Variants in ADCY3 observed in about 807,000 individuals in gnomAD.
ADCY3 encodes the protein adenylate cyclase type 3.
Under a neutral mutation model 119.4 loss-of-function variants are expected in ADCY3, and 70 were observed. The observed-to-expected ratio is 0.59, with a 90% CI of 0.48 to 0.72. The LOEUF is 0.72. Ranked by LOEUF, ADCY3 falls within the 30% of genes least tolerant of loss-of-function variation. The pLI is 0.00. For synonymous variants in ADCY3, 672 were observed against 621.4 expected, an observed-to-expected ratio of 1.08 and a Z score of -1.21; for missense variants, 1,238 against 1,541.6, an observed-to-expected ratio of 0.80 and a Z score of 3.30.
chr2:24,897,706 C>T (rs1445243473), intron 2 of ADCY3, among the ~76,000 whole-genome samples: 3 of 152,138 alleles, frequency 2.0e-5, no homozygotes, highest in Non-Finnish European at 4.4e-5. Context: ...CACACTCACA[C>T]GGGAAGTTCA....
Position 24,834,491 on chromosome 2 carries a change from T to C in ADCY3, c.1961A>G (p.Asp654Gly), listed in dbSNP as rs1002410477. 2.6e-6 allele frequency: 4 copies of C among 1,558,936 alleles called. No individual in the cohort carries two copies. The highest frequency in any genetic ancestry group is 2.8e-5 in the African/African-American group (2 of 70,966). ...LCTALVEILI[D>G]PWLMTNYVTF... ...TCCCCGGCCCCTCCCTCACCAGGGG[T>C]CGATGAGTATCTCGACCAGGGCCGT... Residue 654 changes from aspartate (D) to glycine (G), a missense_variant, in exon 11 of 22, where the codon GAC (aspartate) becomes GGC (glycine). Physicochemically the swap from Asp to Gly is moderately conservative, Grantham distance 94 (BLOSUM62 -1). Transcript: ENST00000679454. The surrounding 1 kb of genome is among the most constrained non-coding windows in gnomAD (Gnocchi z 4.2).
At chr2:24,824,791 A>G (rs982993620) in intron 16 of ADCY3, among the ~76,000 whole-genome samples, 7 of 152,202 alleles carry the variant, frequency 4.6e-5, no homozygotes, top group Non-Finnish European at 1.0e-4. Context: ...CGGGAGGCTG[A>G]GGCAGGAGAA....
rs547677861 is a variant in ADCY3, at chr2:24,823,999, C to G, written c.2736+379G>C. The stretch of plus-strand genomic sequence containing the variant: ...CATGAGCCACTGTGCCCGGCCACTA[C>G]TTTGAATAAATTTTAAAACAGCTTC... On this transcript the variant is annotated intron_variant, in intron 17 of 21. Coordinates refer to ENST00000679454, the MANE Select transcript of ADCY3 (RefSeq NM_004036.5). Among the ~76,000 whole-genome samples the G allele has an allele frequency of 1.4e-3, 219 of 152,308 alleles. 1 individual carries two copies. The highest frequency in any genetic ancestry group is 5.1e-3 in the African/African-American group (211 of 41,560).
In ADCY3 at chr2:24,834,687, C is replaced by T. The variant is rs1474364367; in HGVS notation, c.1806-41G>A. ...GCCCCATGAATCCCAAATGCCACAT[C>T]TGCCTTGGCCTAGCAGGGGGGCCGT... On this transcript the variant is annotated intron_variant, in intron 10 of 21. Coordinates refer to ENST00000679454, the MANE Select transcript of ADCY3 (RefSeq NM_004036.5). The surrounding 1 kb of genome is among the most constrained non-coding windows in gnomAD (Gnocchi z 4.2). 28 of 1,606,392 alleles carry T rather than the reference C, an allele frequency of 1.7e-5. No homozygotes were observed. In the East Asian group the frequency reaches 5.8e-4, roughly 33 times the overall value.
intron 2 of ADCY3, among the ~76,000 whole-genome samples, chr2:24,906,825 C>T (rs1220616759): frequency 6.6e-6 from 1 of 152,220 alleles, no homozygotes; most frequent in African/African-American, 2.4e-5. Context: ...CTTGAGCAAT[C>T]TGTCTTATAA....
rs894959645 is a variant in ADCY3 at position 24,838,703 on chromosome 2, T to C, written c.1356-81A>G. 7.5e-6 allele frequency: 12 copies of C among 1,593,798 alleles called. No individual in the cohort carries two copies. In the African/African-American group the frequency reaches 1.2e-4, roughly 16 times the overall value. ...CAGGGGACAGTCCACGGACCACGGC[T>C]GCACCGGCTGCTGCTCGGCCCCGTG... On this transcript the variant is annotated intron_variant, in intron 7 of 21. Transcript: ENST00000679454.
intron 17 of ADCY3, 110 bp downstream of exon 17, chr2:24,824,268 C>T (rs1668274738): frequency 7.2e-7 from 1 of 1,396,428 alleles, no homozygotes; most frequent in Non-Finnish European, 9.7e-7. Context: ...CCTACCTAGG[C>T]CCCAGTCCCC....
At chr2:24,866,894 G>A (rs1331387204) in intron 3 of ADCY3, among the ~76,000 whole-genome samples, 1 of 152,062 alleles carries the variant, frequency 6.6e-6, no homozygotes, top group East Asian at 1.9e-4. Context: ...TGTCTGAAGT[G>A]CAAAAAGAAA....
chr2:24,876,271 T>C (rs1007220534), intron 2 of ADCY3, among the ~76,000 whole-genome samples: 14 of 152,224 alleles, frequency 9.2e-5, no homozygotes, highest in Admixed American at 7.9e-4. Flanking sequence ...ACTACAGGCA[T>C]GAGCCACCAT....
At chr2:24,904,799 G>A (rs1043483590) in intron 2 of ADCY3, among the ~76,000 whole-genome samples, 6 of 150,884 alleles carry the variant, frequency 4.0e-5, no homozygotes, top group Admixed American at 3.3e-4. Flanking sequence ...GCACCACCAC[G>A]TCCAGCTAAT....
At position 24,842,940 on chromosome 2, in the gene ADCY3, G is replaced by T. The variant is rs1371818551; in HGVS notation, c.826-556C>A. On this transcript the variant is annotated intron_variant, in intron 3 of 21. Transcript: ENST00000679454. This position sits in a 1 kb window ranked among gnomAD's most constrained non-coding sequence, Gnocchi z 4.9. The stretch of plus-strand genomic sequence containing the variant: ...AGCACAGCGCAGCATGGCAAGTTCT[G>T]TGCCCAGAAAGGAGAGAGCAGAGGA... 6.6e-6 allele frequency among the ~76,000 whole-genome samples: 1 copy of T among 152,354 alleles called. No individual in the cohort carries two copies.
At chr2:24,871,009 G>C (rs939325628) in intron 3 of ADCY3, among the ~76,000 whole-genome samples, 1 of 152,178 alleles carries the variant, frequency 6.6e-6, no homozygotes, top group Admixed American at 6.5e-5. Flanking sequence ...AGACGGTTCA[G>C]TGTGAGTTAA....
intron 2 of ADCY3, among the ~76,000 whole-genome samples, chr2:24,877,451 A>C (rs1558488727): frequency 6.6e-6 from 1 of 152,160 alleles, no homozygotes; most frequent in Non-Finnish European, 1.5e-5. Context: ...TGAAGAACAA[A>C]GAGGAACAAG....
rs1227773458 is a variant in ADCY3 at position 24,819,888 on chromosome 2, T to C, written c.*44A>G. 2.5e-6 allele frequency: 4 copies of C among 1,592,326 alleles called. No homozygotes were observed. The African/African-American group carries it at 5.4e-5, about 22-fold the overall frequency. ...CGGGACTTCCTTCAGTTTCAAAAAA[T>C]AAATTCTCCCTTCCGGTTTGGACTG... On this transcript the variant is annotated 3_prime_UTR_variant, in exon 22 of 22. Coordinates refer to ENST00000679454, the MANE Select transcript of ADCY3 (RefSeq NM_004036.5).
intron 2 of ADCY3, among the ~76,000 whole-genome samples, chr2:24,914,864 C>G (rs373031655): frequency 6.6e-6 from 1 of 152,046 alleles, no homozygotes; most frequent in Non-Finnish European, 1.5e-5. Flanking sequence ...CCATGCTGCT[C>G]GGCAATATTC....
intron 3 of ADCY3, among the ~76,000 whole-genome samples, chr2:24,845,264 G>A (rs1469031507): frequency 6.6e-6 from 1 of 152,260 alleles, no homozygotes; most frequent in Non-Finnish European, 1.5e-5. Flanking sequence ...GGTCAGAACA[G>A]TTTGGAGGGC....
At chr2:24,840,498 C>T (rs1425302387) in intron 6 of ADCY3, 1 of 449,186 alleles carries the variant, frequency 2.2e-6, no homozygotes. Context: ...TGCTTTCTTT[C>T]CAGGGCAATA....
rs1027549880 is a variant in ADCY3, at chr2:24,872,790, G to A, written c.676-71C>T. 1.3e-5 allele frequency: 21 copies of A among 1,565,160 alleles called. No homozygotes were observed. Among genetic ancestry groups the A allele is most frequent in the East Asian group, 2.3e-5 (1 of 44,200 alleles). On this transcript the variant is annotated intron_variant, in intron 2 of 21. Coordinates refer to ENST00000679454, the MANE Select transcript of ADCY3 (RefSeq NM_004036.5). The surrounding 1 kb of genome is among the most constrained non-coding windows in gnomAD (Gnocchi z 4.4). ...GTCTTCAGAAAAGGGGATGGAGAAGGGGATGGAGGAGGTGGGGTGGGTGGT... is the reference window on the plus strand; with the variant it reads ...GTCTTCAGAAAAGGGGATGGAGAAGAGGATGGAGGAGGTGGGGTGGGTGGT...
intron 20 of ADCY3, 92 bp from the exon 21 acceptor site, chr2:24,820,940 GCTC>G (rs1667557053): frequency 6.6e-7 from 1 of 1,524,646 alleles, no homozygotes; most frequent in Non-Finnish European, 8.9e-7. Context: ...GTACCACAAA[GCTC>G]CTAATGTAAC....
Sources: gnomAD v4.1 joint callset for allele counts (sites outside exome capture counted in the v4.1 genomes callset) on GRCh38, gnomAD v4.1.1 for gene constraint, Gnocchi (gnomAD v3.1) non-coding constraint, MANE v1.5 for transcripts, NCBI Gene and HGNC (gene_info 2026-07-23, HGNC 2026-07-21) for gene names.